DACH1: variants seen among roughly 807,000 people sequenced by gnomAD.
DACH1 encodes dachshund homolog 1.
DACH1 carries 12 observed loss-of-function variants against 54.2 expected under a neutral mutation model. The observed-to-expected ratio is 0.22, with a 90% CI of 0.14 to 0.36. The LOEUF (loss-of-function observed/expected upper bound fraction) is 0.36, where lower values mean the gene tolerates loss of function less well. Ranked by LOEUF, DACH1 falls within the 10% of genes least tolerant of loss-of-function variation. The probability of loss-of-function intolerance (pLI) is 1.00; values close to 1 mark genes in which losing one functional copy is unlikely to be tolerated. For synonymous variants in DACH1, 386 were observed against 366.2 expected (o/e 1.05, Z -0.62); for missense variants, 805 against 929.8 (o/e 0.87, Z 1.75).
intron 1 of DACH1, among the ~76,000 whole-genome samples, chr13:71,697,588 A>G (rs1271224309): frequency 6.6e-6 from 1 of 152,222 alleles, no homozygotes; most frequent in Non-Finnish European, 1.5e-5. Context: ...CCAAATATGT[A>G]AATTTTTAAA....
At chr13:71,706,635 A>C (rs1882462907) in intron 1 of DACH1, among the ~76,000 whole-genome samples, 1 of 152,166 alleles carries the variant, frequency 6.6e-6, no homozygotes, top group Admixed American at 6.6e-5. Flanking sequence ...CACTCACCTA[A>C]ATTCTTTCAG....
intron 1 of DACH1, among the ~76,000 whole-genome samples, chr13:71,816,562 A>ATG (rs1296905333): frequency 1.3e-5 from 2 of 148,738 alleles, no homozygotes; most frequent in Non-Finnish European, 3.0e-5. Context: ...ATATACATAT[A>ATG]TGTGTGTATA....
chr13:71,569,048 A>G (rs1472504740), intron 4 of DACH1, among the ~76,000 whole-genome samples: 1 of 152,176 alleles, frequency 6.6e-6, no homozygotes, highest in Non-Finnish European at 1.5e-5. Context: ...AGGCTTTAGC[A>G]GACTCTCTCA....
chr13:71,518,602 G>T (rs1301949638), intron 6 of DACH1, among the ~76,000 whole-genome samples: 2 of 151,830 alleles, frequency 1.3e-5, no homozygotes, highest in African/African-American at 2.4e-5. Flanking sequence ...TGGGCCTTCT[G>T]ATTCAGGTTC....
intron 1 of DACH1, among the ~76,000 whole-genome samples, chr13:71,717,104 AT>A: frequency 6.6e-6 from 1 of 152,308 alleles, no homozygotes; most frequent in East Asian, 1.9e-4. Flanking sequence ...TTTTATATTC[AT>A]TTTTACTGAA....
chr13:71,463,097 T>C (rs1331750197), intron 10 of DACH1, among the ~76,000 whole-genome samples: 3 of 151,970 alleles, frequency 2.0e-5, no homozygotes, highest in African/African-American at 7.2e-5. Flanking sequence ...ACTAGACTAT[T>C]ACTCTCAGTT....
At chr13:71,857,342 T>C (rs1342651207) in intron 1 of DACH1, among the ~76,000 whole-genome samples, 1 of 151,758 alleles carries the variant, frequency 6.6e-6, no homozygotes, top group Admixed American at 6.6e-5. Flanking sequence ...AGGACCTGTT[T>C]ATTGATGTAT....
chr13:71,791,204 G>T (rs1289525273), intron 1 of DACH1, among the ~76,000 whole-genome samples: 2 of 152,146 alleles, frequency 1.3e-5, no homozygotes, highest in Admixed American at 1.3e-4. Context: ...ACACCTAAAA[G>T]TGTGCCATGT....
chr13:71,725,143 C>G (rs1280477940), intron 1 of DACH1, among the ~76,000 whole-genome samples: 2 of 151,974 alleles, frequency 1.3e-5, no homozygotes, highest in Non-Finnish European at 2.9e-5. Flanking sequence ...ACAAAAAAGA[C>G]TTGAAAAATT....
At chr13:71,737,296 C>G (rs1884179942) in intron 1 of DACH1, among the ~76,000 whole-genome samples, 1 of 151,930 alleles carries the variant, frequency 6.6e-6, no homozygotes, top group Non-Finnish European at 1.5e-5. Context: ...TTGTGCAAAA[C>G]CATGAAGATA....
chr13:71,740,628 A>G (rs1391891813), intron 1 of DACH1, among the ~76,000 whole-genome samples: 1 of 152,204 alleles, frequency 6.6e-6, no homozygotes, highest in African/African-American at 2.4e-5. Context: ...GAGTTAAAGC[A>G]TAAGGTAAAG....
At chr13:71,713,824 A>G (rs1016838296) in intron 1 of DACH1, among the ~76,000 whole-genome samples, 1 of 152,092 alleles carries the variant, frequency 6.6e-6, no homozygotes, top group Non-Finnish European at 1.5e-5. Flanking sequence ...CAAAATTTTA[A>G]AAGAGAATGA....
intron 6 of DACH1, among the ~76,000 whole-genome samples, chr13:71,509,881 A>G (rs1459835871): frequency 2.6e-5 from 4 of 152,084 alleles, no homozygotes; most frequent in Admixed American, 6.6e-5. Context: ...TCAAGAGTTA[A>G]CTATACTCTG....
chr13:71,815,328 T>C (rs9599891), intron 1 of DACH1, among the ~76,000 whole-genome samples: 1 of 143,696 alleles, frequency 7.0e-6, no homozygotes, highest in African/African-American at 2.6e-5. Flanking sequence ...AAAAAGGGGG[T>C]GGGCGGGGGG....
chr13:71,455,251 TACAC>T (rs755618484), intron 10 of DACH1, among the ~76,000 whole-genome samples: 27 of 152,034 alleles, frequency 1.8e-4, no homozygotes, highest in Non-Finnish European at 3.1e-4. Flanking sequence ...TGTTTTGTCA[TACAC>T]ACACAAACAC....
intron 6 of DACH1, among the ~76,000 whole-genome samples, chr13:71,542,806 C>T (rs1017400398): frequency 2.0e-5 from 3 of 152,094 alleles, no homozygotes; most frequent in Admixed American, 6.6e-5. Flanking sequence ...AACTTATAAG[C>T]CAGTCTACCT....
intron 3 of DACH1, among the ~76,000 whole-genome samples, chr13:71,579,225 GTTCT>G (rs986182959): frequency 4.6e-5 from 7 of 152,086 alleles, no homozygotes; most frequent in Admixed American, 3.9e-4. Flanking sequence ...TGCTATTAGT[GTTCT>G]TGGACTCATC....
chr13:71,614,714 T>A (rs1875620173), intron 3 of DACH1, among the ~76,000 whole-genome samples: 1 of 151,708 alleles, frequency 6.6e-6, no homozygotes, highest in African/African-American at 2.4e-5. Flanking sequence ...ATTAGCCAGG[T>A]GTGATGGTGC....
chr13:71,699,885 A>G (rs1235018783), intron 1 of DACH1, among the ~76,000 whole-genome samples: 1 of 152,216 alleles, frequency 6.6e-6, no homozygotes, highest in Non-Finnish European at 1.5e-5. Context: ...ACTTTATGTC[A>G]AAATGGATAT....
Sources: gnomAD v4.1 joint callset for allele counts (sites outside exome capture counted in the v4.1 genomes callset) on GRCh38, gnomAD v4.1.1 for gene constraint, MANE v1.5 for transcripts, NCBI Gene and HGNC (gene_info 2026-07-23, HGNC 2026-07-21) for gene names.